Variants in FANCC observed in about 807,000 individuals in gnomAD.
FANCC encodes FA complementation group C, also known as Fanconi anemia group C protein.
A neutral mutation model predicts 71.3 loss-of-function variants in FANCC; 55 were observed. The observed-to-expected ratio is 0.77, with a 90% CI of 0.62 to 0.97. The LOEUF (loss-of-function observed/expected upper bound fraction) is 0.97. Ranked by LOEUF, FANCC falls within the 50% of genes least tolerant of loss-of-function variation. The pLI is 0.00. For missense variants in FANCC, 678 were observed against 670.9 expected (o/e 1.01, Z -0.12); for synonymous variants, 275 against 244.9 (o/e 1.12, Z -1.15).
intron 1 of FANCC, among the ~76,000 whole-genome samples, chr9:95,304,231 G>A (rs1834935380): frequency 1.3e-5 from 2 of 152,052 alleles, no homozygotes; most frequent in African/African-American, 4.8e-5. Flanking sequence ...AGAGGAGGGA[G>A]AAAACAAAGA....
chr9:95,198,145 T>C (rs1827575732), intron 4 of FANCC, among the ~76,000 whole-genome samples: 1 of 152,138 alleles, frequency 6.6e-6, no homozygotes, highest in Admixed American at 6.5e-5. Flanking sequence ...ACCCAGCAGC[T>C]AGTGGAGATG....
At chr9:95,104,408 G>A (rs960514642) in intron 14 of FANCC, among the ~76,000 whole-genome samples, 5 of 152,128 alleles carry the variant, frequency 3.3e-5, no homozygotes, top group African/African-American at 4.8e-5. Flanking sequence ...TCTCTGTGGC[G>A]GAACTGACTT....
chr9:95,263,974 G>C (rs1329628975), intron 1 of FANCC, among the ~76,000 whole-genome samples: 2 of 152,132 alleles, frequency 1.3e-5, no homozygotes. Flanking sequence ...TGACATAGTA[G>C]TCTTTGTGTG....
chr9:95,103,152 C>T (rs1035871598), intron 14 of FANCC, among the ~76,000 whole-genome samples: 3 of 152,034 alleles, frequency 2.0e-5, no homozygotes, highest in South Asian at 2.1e-4. Context: ...GACTGTCCCC[C>T]GCTCAGGGGC....
chr9:95,136,759 C>T (rs981242705), intron 7 of FANCC, among the ~76,000 whole-genome samples: 1 of 152,226 alleles, frequency 6.6e-6, no homozygotes, highest in Non-Finnish European at 1.5e-5. Context: ...GTTGGGAATA[C>T]AGGCCTGAGC....
chr9:95,294,011 A>T (rs1834224655), intron 1 of FANCC: 1 of 1,594,458 alleles, frequency 6.3e-7, no homozygotes, highest in Admixed American at 1.7e-5. Context: ...TTAAATCAAG[A>T]GATTGAGAAA....
intron 14 of FANCC, among the ~76,000 whole-genome samples, chr9:95,106,210 GC>G (rs1384699959): frequency 6.6e-6 from 1 of 152,090 alleles, no homozygotes; most frequent in Admixed American, 6.6e-5. Context: ...GACCACTCAT[GC>G]CCTTTCTGTG....
chr9:95,204,075 A>C (rs1304164394), intron 4 of FANCC, among the ~76,000 whole-genome samples: 1 of 152,224 alleles, frequency 6.6e-6, no homozygotes, highest in Non-Finnish European at 1.5e-5. Flanking sequence ...GGAGCAAAGA[A>C]GCACTGTGTC....
At chr9:95,174,582 C>A (rs561400059) in intron 4 of FANCC, among the ~76,000 whole-genome samples, 1 of 151,882 alleles carries the variant, frequency 6.6e-6, no homozygotes, top group Non-Finnish European at 1.5e-5. Context: ...AATTTCCTAG[C>A]CTTCCATACA....
At chr9:95,115,509 AG>A (rs1184238857) in intron 11 of FANCC, among the ~76,000 whole-genome samples, 2 of 152,248 alleles carry the variant, frequency 1.3e-5, no homozygotes, top group Non-Finnish European at 2.9e-5. Flanking sequence ...AAAAAAGGCC[AG>A]GAAAGAAAAT....
In FANCC at chr9:95,101,811, A is replaced by G. The variant is rs971409322; in HGVS notation, c.1573T>C (p.Phe525Leu). ...CATCTGTACAAGGTCTGGTCAAGAA[A>G]GCCAATGATCTCGTGAGTTATCTCA... ...TAEITHEIIGFLDQTLYRWNR... is the reference protein window; with the variant it reads ...TAEITHEIIGLLDQTLYRWNR... Residue 525 changes from phenylalanine (F) to leucine (L), a missense_variant, in exon 15 of 15, where the codon TTT becomes CTT. By Grantham distance (22) the Phe-to-Leu change is conservative. Transcript: ENST00000289081. The G allele has an allele frequency of 1.2e-6, 2 of 1,614,138 alleles. No individual in the cohort carries two copies. Among genetic ancestry groups the G allele is most frequent in the Non-Finnish European group, 1.7e-6 (2 of 1,180,020 alleles).
intron 4 of FANCC, among the ~76,000 whole-genome samples, chr9:95,228,474 CA>C (rs1238429348): frequency 6.6e-6 from 1 of 152,196 alleles, no homozygotes; most frequent in East Asian, 1.9e-4. Flanking sequence ...CATTTTGCCA[CA>C]AAAATTCCTA....
intron 1 of FANCC, among the ~76,000 whole-genome samples, chr9:95,251,036 C>T (rs946618539): frequency 1.5e-4 from 23 of 152,194 alleles, no homozygotes; most frequent in African/African-American, 5.5e-4. Flanking sequence ...CCCCAGCTCA[C>T]CACGGTCCAG....
chr9:95,157,214 C>A (rs1476673388), intron 6 of FANCC, among the ~76,000 whole-genome samples: 1 of 151,880 alleles, frequency 6.6e-6, no homozygotes, highest in Non-Finnish European at 1.5e-5. Flanking sequence ...TCCAAAGATT[C>A]AAAAAGTCTC....
chr9:95,174,540 TA>T (rs1023376379), intron 4 of FANCC, among the ~76,000 whole-genome samples: 6 of 151,652 alleles, frequency 4.0e-5, no homozygotes, highest in African/African-American at 1.5e-4. Context: ...TATATATATA[TA>T]TTTTTTTTCT....
At chr9:95,109,187 C>A (rs973410303) in intron 13 of FANCC, among the ~76,000 whole-genome samples, 6 of 152,324 alleles carry the variant, frequency 3.9e-5, no homozygotes, top group African/African-American at 4.8e-5. Flanking sequence ...GCTGAGATTA[C>A]AGGCATGAAC....
chr9:95,293,185 T>C (rs1564834965), intron 1 of FANCC: 2 of 1,612,188 alleles, frequency 1.2e-6, no homozygotes, highest in East Asian at 4.5e-5. Context: ...GCAGACTCTT[T>C]CTTACAACAT....
rs896458488 is a variant in FANCC at position 95,127,043 on chromosome 9, T to C, written c.844-462A>G. 8 of 178,596 alleles carry C rather than the reference T, an allele frequency of 4.5e-5. No homozygotes were observed. In the East Asian group the frequency reaches 1.0e-3, roughly 22 times the overall value. The allele number at this position is 178,596 out of a possible 1,614,324, so 11.1% of individuals were successfully genotyped here. A position where few individuals can be genotyped will look rare whatever the true frequency, so the allele number is the denominator to read the frequency against. The stretch of plus-strand genomic sequence containing the variant: ...GGTACATAACAATTTAGAATTATTA[T>C]TGGCAAACCAGTGACCACTACCACG... On this transcript the variant is annotated intron_variant, in intron 8 of 14. Transcript: ENST00000289081.
chr9:95,154,245 CAAAAA>C lies in FANCC; in HGVS notation c.522-4163_522-4159del, dbSNP rs58720791. On this transcript the variant is annotated intron_variant, in intron 6 of 14. Transcript: ENST00000289081. The stretch of plus-strand genomic sequence containing the variant: ...AGGGTGACAGAGCAAGACTCCGTCT[CAAAAA>C]AAAAAAAAAAAAAAAAAAAAATTGT... 1.2e-4 allele frequency among the ~76,000 whole-genome samples: 6 copies of C among 49,946 alleles called. No individual in the cohort carries two copies. The East Asian group carries it at 3.0e-3, about 25-fold the overall frequency. 32.8% of individuals were successfully genotyped at this position (49,946 alleles called of 152,430 possible). A position where few individuals can be genotyped will look rare whatever the true frequency, so the allele number is the denominator to read the frequency against.
Sources: allele counts gnomAD v4.1 joint callset (sites outside exome capture counted in the v4.1 genomes callset), GRCh38; gene constraint gnomAD v4.1.1; transcripts MANE v1.5; gene names NCBI Gene and HGNC (gene_info 2026-07-23, HGNC 2026-07-21).